BMPR1B: variants seen among roughly 807,000 people sequenced by gnomAD.
BMPR1B encodes bone morphogenetic protein receptor type-1B.
BMPR1B carries 12 observed loss-of-function variants against 59.1 expected under a neutral mutation model. That is an observed-to-expected ratio of 0.20 (90% CI 0.13 to 0.33). The LOEUF (loss-of-function observed/expected upper bound fraction) is 0.33. Ranked by LOEUF, BMPR1B falls within the 10% of genes least tolerant of loss-of-function variation. BMPR1B has a pLI of 1.00. For missense variants in BMPR1B, 550 were observed against 610.9 expected (o/e 0.90, Z 1.05); for synonymous variants, 237 against 207.3 (o/e 1.14, Z -1.23).
intron 2 of BMPR1B, among the ~76,000 whole-genome samples, chr4:94,895,385 A>G (rs537019685): frequency 6.6e-6 from 1 of 152,088 alleles, no homozygotes; most frequent in African/African-American, 2.4e-5. Flanking sequence ...CTATGAGAAA[A>G]TGGAAATGTT....
At chr4:94,990,079 C>T (rs754735233) in intron 2 of BMPR1B, among the ~76,000 whole-genome samples, 5 of 152,248 alleles carry the variant, frequency 3.3e-5, no homozygotes, top group Non-Finnish European at 4.4e-5. Flanking sequence ...AAGTTGAGGC[C>T]GGGCATGGTG....
chr4:94,807,476 T>A (rs13113279), intron 1 of BMPR1B, among the ~76,000 whole-genome samples: 24,614 of 151,976 alleles, frequency 0.16, 2,147 homozygotes, highest in Non-Finnish European at 0.2. Flanking sequence ...TTGTTGTAAA[T>A]CAATTTACTG....
At chr4:94,823,414 T>G (rs981263480) in intron 1 of BMPR1B, among the ~76,000 whole-genome samples, 3 of 152,080 alleles carry the variant, frequency 2.0e-5, no homozygotes, top group Admixed American at 1.3e-4. Flanking sequence ...TATGTATGAG[T>G]TATGAGAAAA....
rs1030233577 is a variant in BMPR1B, at chr4:95,154,823, C to A, written c.*150C>A. 4 of 1,082,016 alleles carry A rather than the reference C, an allele frequency of 3.7e-6. No homozygotes were observed. The highest frequency in any genetic ancestry group is 5.4e-6 in the Non-Finnish European group (4 of 736,376). 67.0% of individuals were successfully genotyped at this position (1,082,016 alleles called of 1,614,324 possible). A position where few individuals can be genotyped will look rare whatever the true frequency, so the allele number is the denominator to read the frequency against. ...GGTTCAGACCTCACCTCTCAGGGAG[C>A]GACCTGGGCAAAGACAGAGAAGCTC... is the stretch of plus-strand genomic sequence containing the variant. On this transcript the variant is annotated 3_prime_UTR_variant, in exon 13 of 13. Coordinates refer to ENST00000515059, the MANE Select transcript of BMPR1B (RefSeq NM_001203.3).
chr4:95,098,505 G>A (rs1337137651), intron 3 of BMPR1B, among the ~76,000 whole-genome samples: 1 of 151,926 alleles, frequency 6.6e-6, no homozygotes, highest in East Asian at 1.9e-4. Context: ...TTTCTCAAAT[G>A]TGGAGTACAC....
At chr4:94,771,760 C>G (rs1722193465) in intron 1 of BMPR1B, among the ~76,000 whole-genome samples, 1 of 152,108 alleles carries the variant, frequency 6.6e-6, no homozygotes, top group Non-Finnish European at 1.5e-5. Context: ...CGTCTATTGT[C>G]TAACTACAGT....
At chr4:94,777,031 TTTAA>T (rs1418554775) in intron 1 of BMPR1B, among the ~76,000 whole-genome samples, 8 of 152,226 alleles carry the variant, frequency 5.3e-5, no homozygotes, top group African/African-American at 9.6e-5. Context: ...AAAATACTGT[TTTAA>T]TTAATGACTG....
chr4:94,868,602 A>G (rs1726351528), intron 1 of BMPR1B, among the ~76,000 whole-genome samples: 1 of 152,200 alleles, frequency 6.6e-6, no homozygotes, highest in Non-Finnish European at 1.5e-5. Context: ...CTTTGTTTCC[A>G]GTGTTGAACG....
chr4:95,021,153 A>C (rs920604901), intron 3 of BMPR1B, among the ~76,000 whole-genome samples: 1 of 152,182 alleles, frequency 6.6e-6, no homozygotes. Flanking sequence ...CTAATTTTTA[A>C]TTTTTTCCCT....
At chr4:94,830,131 ACT>A (rs754623576) in intron 1 of BMPR1B, among the ~76,000 whole-genome samples, 26 of 152,196 alleles carry the variant, frequency 1.7e-4, no homozygotes, top group Non-Finnish European at 3.2e-4. Context: ...ATATTAAATA[ACT>A]CTTGCATATG....
At chr4:95,131,756 A>C (rs1018066251) in intron 10 of BMPR1B, among the ~76,000 whole-genome samples, 3 of 152,222 alleles carry the variant, frequency 2.0e-5, no homozygotes, top group Non-Finnish European at 4.4e-5. Context: ...TCATTAAGTT[A>C]TATAGAAAAG....
chr4:94,848,032 A>G (rs1181412041), intron 1 of BMPR1B, among the ~76,000 whole-genome samples: 3 of 152,184 alleles, frequency 2.0e-5, no homozygotes, highest in Non-Finnish European at 4.4e-5. Context: ...TATTTCATGT[A>G]CTCCATAAAT....
intron 3 of BMPR1B, among the ~76,000 whole-genome samples, chr4:95,028,056 T>G (rs1394844466): frequency 6.6e-6 from 1 of 152,118 alleles, no homozygotes; most frequent in East Asian, 1.9e-4. Flanking sequence ...TTGGAGACAT[T>G]CCTAAAGACA....
intron 1 of BMPR1B, among the ~76,000 whole-genome samples, chr4:94,795,617 C>A (rs1168214471): frequency 6.6e-6 from 1 of 151,914 alleles, no homozygotes; most frequent in African/African-American, 2.4e-5. Flanking sequence ...GTGTGTACCA[C>A]CACATCTGGC....
At chr4:94,795,810 C>G (rs1157161191) in intron 1 of BMPR1B, among the ~76,000 whole-genome samples, 5 of 152,188 alleles carry the variant, frequency 3.3e-5, no homozygotes, top group African/African-American at 1.2e-4. Context: ...CCTGAGTACA[C>G]TAAAATGGAG....
chr4:94,778,969 G>A (rs894906209), intron 1 of BMPR1B, among the ~76,000 whole-genome samples: 2 of 151,846 alleles, frequency 1.3e-5, no homozygotes, highest in East Asian at 3.9e-4. Context: ...TTATGACTTA[G>A]GGTTTCTCTA....
At chr4:94,974,770 C>T (rs542561709) in intron 2 of BMPR1B, among the ~76,000 whole-genome samples, 14 of 152,270 alleles carry the variant, frequency 9.2e-5, no homozygotes, top group South Asian at 8.3e-4. Flanking sequence ...CTAGCACAGG[C>T]AGGGAACATA....
intron 2 of BMPR1B, among the ~76,000 whole-genome samples, chr4:94,980,793 T>C (rs1721008335): frequency 6.6e-6 from 1 of 152,112 alleles, no homozygotes; most frequent in African/African-American, 2.4e-5. Flanking sequence ...AACAATATAG[T>C]CTACTAGACA....
At chr4:95,019,502 T>A (rs1015285526) in intron 3 of BMPR1B, among the ~76,000 whole-genome samples, 3 of 152,192 alleles carry the variant, frequency 2.0e-5, no homozygotes, top group African/African-American at 7.2e-5. Flanking sequence ...ATAGAGAAAC[T>A]GTTATGTTTT....
Sources: gnomAD v4.1 joint callset for allele counts (sites outside exome capture counted in the v4.1 genomes callset) on GRCh38, gnomAD v4.1.1 for gene constraint, MANE v1.5 for transcripts, NCBI Gene and HGNC (gene_info 2026-07-23, HGNC 2026-07-21) for gene names.